TBCB: variants seen among roughly 807,000 people sequenced by gnomAD.
TBCB encodes tubulin folding cofactor B.
A neutral mutation model predicts 29.2 loss-of-function variants in TBCB; 18 were observed. That is an observed-to-expected ratio of 0.62 (90% CI 0.43 to 0.91). The LOEUF (loss-of-function observed/expected upper bound fraction) is 0.91, where lower values mean the gene tolerates loss of function less well. Ranked by LOEUF, TBCB falls within the 40% of genes least tolerant of loss-of-function variation. The pLI, the probability that TBCB is intolerant of heterozygous loss-of-function variation, is 0.00. For synonymous variants in TBCB, 172 were observed against 137.8 expected, an observed-to-expected ratio of 1.25 and a Z score of -1.74; for missense variants, 336 against 337.6, an observed-to-expected ratio of 1.00 and a Z score of 0.04.
Position 36,116,147 on chromosome 19 carries a change from T to G in TBCB, c.221T>G (p.Leu74Arg). 6.2e-7 allele frequency: 1 copy of G among 1,614,196 alleles called. No individual in the cohort carries two copies. The highest frequency in any genetic ancestry group is 8.5e-7 in the Non-Finnish European group (1 of 1,180,030). The change falls in exon 2 of 6, where the codon CTG becomes CGG. Residue 74 changes from leucine to arginine, a missense_variant. Leu to Arg is a moderately radical substitution (Grantham distance 102). Transcript: ENST00000221855. ...AAGCTGGATCAAGAGGATGCGCTCC[T>G]GGGCTCCTACCCTGTAGATGACGGC... ...YSKLDQEDAL[L>R]GSYPVDDGCR...
chr19:36,121,742 C>A, intron 4 of TBCB, 24 bp downstream of exon 4: 1 of 1,548,218 alleles, frequency 6.5e-7, no homozygotes, highest in East Asian at 2.4e-5. Context: ...GGGCCCGGTC[C>A]CGGGCTCCAG....
At chr19:36,121,754 G>A (rs1373044796) in intron 4 of TBCB, 36 bp downstream of exon 4, 1 of 1,548,518 alleles carries the variant, frequency 6.5e-7, no homozygotes, top group South Asian at 1.2e-5. Flanking sequence ...GGGCTCCAGG[G>A]CTCCAAGGCC....
At chr19:36,125,300 C>G (rs1238658107) in intron 4 of TBCB, 151 bp from the exon 5 acceptor site, 2 of 805,298 alleles carry the variant, frequency 2.5e-6, no homozygotes, top group Non-Finnish European at 4.1e-6. Context: ...TGGAGGTGGT[C>G]CTAGTGGTAG....
chr19:36,115,880 G>C, intron 1 of TBCB, 161 bp from the exon 2 acceptor site: 1 of 1,212,506 alleles, frequency 8.2e-7, no homozygotes, highest in Non-Finnish European at 1.2e-6. Context: ...CGAAAAATCC[G>C]ACGGTCCAGA....
rs1182620508 is a variant in TBCB at position 36,125,699 on chromosome 19, G to A, written c.652G>A (p.Ala218Thr). ...TGGGAAACGCTACTTCGAATGCCAGGCCAAGTATGGCGCCTTTGTCAAGCC... is the reference window on the plus strand; with the variant it reads ...TGGGAAACGCTACTTCGAATGCCAGACCAAGTATGGCGCCTTTGTCAAGCC... ...VNGKRYFECQAKYGAFVKPAV... is the reference protein window; with the variant it reads ...VNGKRYFECQTKYGAFVKPAV... The change falls in exon 6 of 6, where the codon GCC (alanine) becomes ACC (threonine). Residue 218 changes from alanine (A) to threonine (T), a missense_variant. Coordinates refer to ENST00000221855, the MANE Select transcript of TBCB (RefSeq NM_001281.3). 1 of 1,583,142 alleles carries A rather than the reference G, an allele frequency of 6.3e-7. No individual in the cohort carries two copies. The highest frequency in any genetic ancestry group is 8.6e-7 in the Non-Finnish European group (1 of 1,163,890).
intron 2 of TBCB, chr19:36,120,469 C>T (rs974953773): frequency 1.5e-5 from 8 of 520,246 alleles, no homozygotes; most frequent in South Asian, 4.4e-5. Flanking sequence ...TGCCAGCAAG[C>T]GGGGAACTTC....
chr19:36,114,980 C>T, upstream of TBCB: 6 of 966,006 alleles, frequency 6.2e-6, no homozygotes, highest in South Asian at 2.9e-5. This position sits in a 1 kb window ranked among gnomAD's most constrained non-coding sequence, Gnocchi z 4.5. Context: ...CACGTGCTGG[C>T]TCCCCGCCGC....
chr19:36,115,512 G>A lies in TBCB; in HGVS notation c.-49G>A. On this transcript the variant is annotated 5_prime_UTR_variant, in exon 1 of 6. Transcript: ENST00000221855. ...CAGCGGCGGCGGCGGCTGCGGAGCG[G>A]GTGTGAGGCGGCTGGACCGCGCTGC... 7.0e-7 allele frequency: 1 copy of A among 1,430,270 alleles called. No homozygotes were observed. Among genetic ancestry groups the A allele is most frequent in the South Asian group, 1.2e-5 (1 of 81,242 alleles). 88.6% of individuals were successfully genotyped at this position (1,430,270 alleles called of 1,614,324 possible). A position where few individuals can be genotyped will look rare whatever the true frequency, so the allele number is the denominator to read the frequency against.
intron 4 of TBCB, among the ~76,000 whole-genome samples, chr19:36,124,491 C>G (rs1262532052): frequency 6.6e-6 from 1 of 152,086 alleles, no homozygotes. Context: ...TCCCAAAGTG[C>G]TAGGATTACA....
upstream of TBCB, chr19:36,115,237 G>A: frequency 1.9e-6 from 1 of 536,608 alleles, no homozygotes; most frequent in Non-Finnish European, 3.3e-6. Context: ...TCGCGGACTG[G>A]GCGAGCTCTT....
chr19:36,121,253 T>A (rs534178324), intron 3 of TBCB, among the ~76,000 whole-genome samples: 1 of 151,594 alleles, frequency 6.6e-6, no homozygotes, highest in East Asian at 2.0e-4. Flanking sequence ...GGAAGGCGGA[T>A]GATGAAGGCA....
At chr19:36,116,299 G>C (rs578031132) in intron 2 of TBCB, 115 bp downstream of exon 2, 21 of 1,371,604 alleles carry the variant, frequency 1.5e-5, no homozygotes, top group South Asian at 2.7e-5. Flanking sequence ...CCTTCGTGGA[G>C]CCTCCAGTGC....
chr19:36,115,465 G>A (rs1973930131), upstream of TBCB: 5 of 926,622 alleles, frequency 5.4e-6, no homozygotes, highest in African/African-American at 1.7e-5. Context: ...AGCAGGAGGC[G>A]GGGCTGATAG....
At chr19:36,115,940 C>T in intron 1 of TBCB, 101 bp from the exon 2 acceptor site, 1 of 1,512,476 alleles carries the variant, frequency 6.6e-7, no homozygotes, top group Non-Finnish European at 8.9e-7. Flanking sequence ...TGCGTCCTGA[C>T]TGGGGGGTCT....
At position 36,125,467 on chromosome 19, in the gene TBCB, G is replaced by A. The variant is rs763404243; in HGVS notation, c.564G>A (p.Lys188=). The A allele has an allele frequency of 6.2e-7, 1 of 1,614,232 alleles. No homozygotes were observed. The highest frequency in any genetic ancestry group is 8.5e-7 in the Non-Finnish European group (1 of 1,180,044). The change falls in exon 5 of 6, where the codon AAG becomes AAA. Residue 188 remains lysine, a synonymous_variant. Coordinates refer to ENST00000221855, the MANE Select transcript of TBCB (RefSeq NM_001281.3). ...TVMYVGLTDF[K]PGYWIGVRYD... ...TGTTGGCAGGTCTCACAGATTTCAA[G>A]CCTGGCTACTGGATTGGTGTCCGCT...
In TBCB at chr19:36,121,658, A is replaced by T; in HGVS notation, c.487A>T (p.Ser163Cys). The T allele has an allele frequency of 1.3e-6, 2 of 1,563,324 alleles. No individual in the cohort carries two copies. Among genetic ancestry groups the T allele is most frequent in the Non-Finnish European group, 8.7e-7 (1 of 1,155,292 alleles). The change falls in exon 4 of 6, where the codon AGC (serine) becomes TGC (cysteine). Residue 163 changes from serine to cysteine, a missense_variant. Coordinates refer to ENST00000221855, the MANE Select transcript of TBCB (RefSeq NM_001281.3). ...KAQASSIPVGSRCEVRAAGQS... is the reference protein window; with the variant it reads ...KAQASSIPVGCRCEVRAAGQS... ...CCAGGCCAGCTCCATCCCCGTGGGC[A>T]GCCGCTGTGAGGTGCGGGCGGCGGG... is the stretch of plus-strand genomic sequence containing the variant.
At chr19:36,124,571 C>T (rs1303412533) in intron 4 of TBCB, among the ~76,000 whole-genome samples, 1 of 151,178 alleles carries the variant, frequency 6.6e-6, no homozygotes, top group African/African-American at 2.4e-5. Flanking sequence ...GACGTAATCT[C>T]GCTTTGTGCC....
chr19:36,115,308 A>C (rs904106272), upstream of TBCB: 12 of 542,902 alleles, frequency 2.2e-5, no homozygotes, highest in Non-Finnish European at 3.2e-5. Context: ...CCGGGCCGCT[A>C]TTGGAAGAAC....
chr19:36,115,216 G>A (rs1437883375), upstream of TBCB: 4 of 536,554 alleles, frequency 7.5e-6, no homozygotes, highest in South Asian at 2.5e-5. Context: ...GCGCATGCGC[G>A]AGTTTACCCT....
Sources: allele counts gnomAD v4.1 joint callset (sites outside exome capture counted in the v4.1 genomes callset), GRCh38; gene constraint gnomAD v4.1.1; non-coding constraint Gnocchi (gnomAD v3.1); transcripts MANE v1.5; gene names NCBI Gene and HGNC (gene_info 2026-07-23, HGNC 2026-07-21).